Variants in PARD3B observed in about 807,000 individuals in gnomAD.
The protein encoded by PARD3B is partitioning defective 3 homolog B.
Under a neutral mutation model 130.2 loss-of-function variants are expected in PARD3B, and 103 were observed. The ratio of observed to expected loss-of-function variants is 0.79; its 90% CI spans 0.67 to 0.93. PARD3B has a LOEUF of 0.93. PARD3B is among the 40% of genes least tolerant of loss of function. PARD3B has a pLI of 0.00. For synonymous variants in PARD3B, 583 were observed against 553.2 expected, an observed-to-expected ratio of 1.05 and a Z score of -0.76; for missense variants, 1,609 against 1,499.2, an observed-to-expected ratio of 1.07 and a Z score of -1.21.
In PARD3B at chr2:205,121,907, A is replaced by C; in HGVS notation, c.1123A>C (p.Ser375Arg). 6.2e-7 allele frequency: 1 copy of C among 1,612,956 alleles called. No homozygotes were observed. The highest frequency in any genetic ancestry group is 1.7e-5 in the Admixed American group (1 of 59,854). ...PSLSPLMGFG[S>R]NKNAKKIKID... ...ACTCTCGCCTCTCATGGGATTTGGC[A>C]GCAATAAAAATGCAAAGAAAATTAA... is the stretch of plus-strand genomic sequence containing the variant. The change falls in exon 8 of 23, where the codon AGC becomes CGC. Residue 375 changes from serine to arginine, a missense_variant. Transcript: ENST00000406610. The surrounding 1 kb of genome is among the most constrained non-coding windows in gnomAD (Gnocchi z 5.0).
intron 20 of PARD3B, among the ~76,000 whole-genome samples, chr2:205,465,271 G>A (rs942767827): frequency 2.0e-5 from 3 of 152,052 alleles, no homozygotes; most frequent in Non-Finnish European, 4.4e-5. Flanking sequence ...CTTTGCATGT[G>A]TCATTTAATC....
At chr2:204,596,602 A>G (rs2033298592) in intron 1 of PARD3B, among the ~76,000 whole-genome samples, 1 of 152,210 alleles carries the variant, frequency 6.6e-6, no homozygotes, top group Non-Finnish European at 1.5e-5. Flanking sequence ...TGTCAGGTGC[A>G]AAAACATAGA....
At chr2:204,682,333 A>C (rs1356422330) in intron 1 of PARD3B, among the ~76,000 whole-genome samples, 1 of 152,138 alleles carries the variant, frequency 6.6e-6, no homozygotes. Context: ...GAACTTCGGA[A>C]AGTTAATTCA....
At chr2:204,816,925 G>T (rs2043169124) in intron 2 of PARD3B, among the ~76,000 whole-genome samples, 1 of 151,794 alleles carries the variant, frequency 6.6e-6, no homozygotes, top group African/African-American at 2.4e-5. Flanking sequence ...TTTTAAAATT[G>T]TTTATTCCCT....
chr2:204,951,423 C>T (rs574810975), intron 2 of PARD3B, among the ~76,000 whole-genome samples: 2 of 152,164 alleles, frequency 1.3e-5, no homozygotes, highest in Non-Finnish European at 2.9e-5. Context: ...GTCCTGCCAG[C>T]AAATACACCT....
At chr2:205,375,132 G>A (rs982490879) in intron 18 of PARD3B, among the ~76,000 whole-genome samples, 2 of 151,992 alleles carry the variant, frequency 1.3e-5, no homozygotes, top group African/African-American at 2.4e-5. Flanking sequence ...TCTTATAATC[G>A]TTGTCAATGT....
At position 204,712,115 on chromosome 2, in the gene PARD3B, A is replaced by G. The variant is rs547479658; in HGVS notation, c.222+25833A>G. 2.6e-5 allele frequency among the ~76,000 whole-genome samples: 4 copies of G among 152,354 alleles called. 1 individual carries two copies. The highest frequency in any genetic ancestry group is 9.6e-5 in the African/African-American group (4 of 41,590). ...TAGTCTTTATCATTTCACAGAGGGCATTTATATCATACCATTTATGAAGGG... is the reference window on the plus strand; with the variant it reads ...TAGTCTTTATCATTTCACAGAGGGCGTTTATATCATACCATTTATGAAGGG... On this transcript the variant is annotated intron_variant, in intron 2 of 22. Transcript: ENST00000406610.
intron 4 of PARD3B, among the ~76,000 whole-genome samples, chr2:205,076,994 C>G (rs1446670328): frequency 6.6e-6 from 1 of 152,162 alleles, no homozygotes; most frequent in Non-Finnish European, 1.5e-5. Flanking sequence ...ACTAACATCC[C>G]ATAGAAGACA....
At chr2:204,936,787 T>A (rs1432350278) in intron 2 of PARD3B, among the ~76,000 whole-genome samples, 1 of 152,192 alleles carries the variant, frequency 6.6e-6, no homozygotes, top group East Asian at 1.9e-4. Flanking sequence ...TGAGGTCTTA[T>A]CAGAAAGGTA....
intron 22 of PARD3B, among the ~76,000 whole-genome samples, chr2:205,607,246 A>G (rs113392934): frequency 6.6e-6 from 1 of 152,194 alleles, no homozygotes; most frequent in African/African-American, 2.4e-5. Flanking sequence ...TTGGAAAAAA[A>G]AAAAAAGAAG....
intron 21 of PARD3B, among the ~76,000 whole-genome samples, chr2:205,503,474 G>T (rs1020865516): frequency 6.6e-6 from 1 of 150,422 alleles, no homozygotes; most frequent in African/African-American, 2.5e-5. Context: ...TGATTTATTC[G>T]CTTTGTTTTA....
chr2:205,402,330 T>C (rs2046280610), intron 19 of PARD3B, among the ~76,000 whole-genome samples: 2 of 152,322 alleles, frequency 1.3e-5, no homozygotes, highest in African/African-American at 4.8e-5. Context: ...AATCCTGTAA[T>C]GTAAAATGTA....
intron 1 of PARD3B, among the ~76,000 whole-genome samples, chr2:204,550,251 T>C (rs1489775257): frequency 1.3e-5 from 2 of 152,254 alleles, no homozygotes; most frequent in Non-Finnish European, 2.9e-5. Context: ...CCTAATACAA[T>C]GTAAAAGCTA....
At chr2:204,707,233 C>G (rs11888986) in intron 2 of PARD3B, among the ~76,000 whole-genome samples, 2 of 152,180 alleles carry the variant, frequency 1.3e-5, no homozygotes, top group South Asian at 4.1e-4. Flanking sequence ...ACATGAAGCC[C>G]GAGTGGGACT....
intron 2 of PARD3B, among the ~76,000 whole-genome samples, chr2:204,698,350 G>A (rs2037716490): frequency 6.6e-6 from 1 of 152,004 alleles, no homozygotes; most frequent in Non-Finnish European, 1.5e-5. Flanking sequence ...AAATTATTTA[G>A]CTCCTTTCTT....
rs767524981 is a variant in PARD3B at position 205,473,680 on chromosome 2, G to GTATA, written c.3045-26213_3045-26212insATAT. ...TGTGTGTGTGTGTGTGTGTGTGTGT[G>GTATA]TATGTATATATATATATATATATAT... On this transcript the variant is annotated intron_variant, in intron 20 of 22. Transcript: ENST00000406610. This position sits in a 1 kb window ranked among gnomAD's most constrained non-coding sequence, Gnocchi z 4.9. 5.6e-4 allele frequency among the ~76,000 whole-genome samples: 48 copies of GTATA among 86,030 alleles called. No homozygotes were observed. Among genetic ancestry groups the GTATA allele is most frequent in the Non-Finnish European group, 9.4e-4 (45 of 47,778 alleles). The allele number at this position is 86,030 out of a possible 152,430, so 56.4% of individuals were successfully genotyped here.
chr2:204,723,835 A>G (rs111828614), intron 2 of PARD3B, among the ~76,000 whole-genome samples: 429 of 152,286 alleles, frequency 2.8e-3, no homozygotes, highest in African/African-American at 9.6e-3. Context: ...AAGCCAGCAT[A>G]TTGTGATCAA....
intron 3 of PARD3B, among the ~76,000 whole-genome samples, chr2:205,016,099 C>T (rs1559357612): frequency 6.6e-6 from 1 of 152,194 alleles, no homozygotes; most frequent in Non-Finnish European, 1.5e-5. Flanking sequence ...TGACAATAAT[C>T]TCTTCTTTCG....
intron 1 of PARD3B, among the ~76,000 whole-genome samples, chr2:204,569,109 T>G (rs1005469457): frequency 7.2e-5 from 11 of 152,138 alleles, no homozygotes; most frequent in Non-Finnish European, 1.6e-4. Flanking sequence ...ATATTGGGAG[T>G]GTGGTGCTGA....
Sources: allele counts gnomAD v4.1 joint callset (sites outside exome capture counted in the v4.1 genomes callset), GRCh38; gene constraint gnomAD v4.1.1; non-coding constraint Gnocchi (gnomAD v3.1); transcripts MANE v1.5; gene names NCBI Gene and HGNC (gene_info 2026-07-23, HGNC 2026-07-21).